TRIM68: variants seen among roughly 807,000 people sequenced by gnomAD.
TRIM68 encodes tripartite motif containing 68.
TRIM68 carries 36 observed loss-of-function variants against 41.9 expected under a neutral mutation model. That is an observed-to-expected ratio of 0.86 (90% CI 0.66 to 1.14). TRIM68 has a LOEUF of 1.14. Among genes scored for constraint, TRIM68 ranks in the 50% most tolerant of loss-of-function variants. The probability of loss-of-function intolerance (pLI) is 0.00; values close to 1 mark genes in which losing one functional copy is unlikely to be tolerated. For missense variants in TRIM68, 632 were observed against 605.1 expected, an observed-to-expected ratio of 1.04 and a Z score of -0.47; for synonymous variants, 225 against 224.6, an observed-to-expected ratio of 1.00 and a Z score of -0.02.
chr11:4,600,271 C>A lies in TRIM68; in HGVS notation c.*5G>T. 1 of 1,560,248 alleles carries A rather than the reference C, an allele frequency of 6.4e-7. No homozygotes were observed. The highest frequency in any genetic ancestry group is 8.7e-7 in the Non-Finnish European group (1 of 1,154,034). ...CAAGCCTCTCTGGTTAGGGTGGTAG[C>A]TTTCTTAGTCCTCCCCATCCAGGGA... On this transcript the variant is annotated 3_prime_UTR_variant, in exon 7 of 7. Transcript: ENST00000300747.
At chr11:4,606,862 A>G (rs1846577521) in intron 1 of TRIM68, among the ~76,000 whole-genome samples, 1 of 152,236 alleles carries the variant, frequency 6.6e-6, no homozygotes, top group Non-Finnish European at 1.5e-5. Flanking sequence ...AGGAAGCAGG[A>G]AGCAGAGCAG....
rs761497029 is a variant in TRIM68, at chr11:4,600,756, G to C, written c.978C>G (p.His326Gln). ...LIVSEDRKRVHYGDTNQKLPD... is the reference protein window; with the variant it reads ...LIVSEDRKRVQYGDTNQKLPD... ...GCAGTTTCTGGTTGGTGTCTCCATAGTGCACACGTTTTCTGTCCTCAGACA... is the reference window on the plus strand; with the variant it reads ...GCAGTTTCTGGTTGGTGTCTCCATACTGCACACGTTTTCTGTCCTCAGACA... Residue 326 changes from histidine (H) to glutamine (Q), a missense_variant, in exon 7 of 7, where the codon CAC becomes CAG. Physicochemically the swap from His to Gln is conservative, Grantham distance 24 (BLOSUM62 0). Transcript: ENST00000300747. 1.9e-6 allele frequency: 3 copies of C among 1,614,042 alleles called. No individual in the cohort carries two copies. The highest frequency in any genetic ancestry group is 2.5e-6 in the Non-Finnish European group (3 of 1,180,040).
intron 1 of TRIM68, 76 bp from the exon 2 acceptor site, chr11:4,605,637 A>C: frequency 2.1e-6 from 2 of 933,548 alleles, no homozygotes; most frequent in Non-Finnish European, 3.1e-6. Flanking sequence ...AGGAATAATT[A>C]ATTTCTGGGG....
intron 2 of TRIM68, among the ~76,000 whole-genome samples, chr11:4,603,934 G>C (rs529522836): frequency 2.0e-5 from 3 of 152,082 alleles, no homozygotes; most frequent in African/African-American, 7.2e-5. Context: ...CAACTATTTT[G>C]TTAAAATATA....
In TRIM68 at chr11:4,605,500, T is replaced by C. The variant is rs1454570639; in HGVS notation, c.5A>G (p.Asp2Gly). ...AATGGCTTCCACCAAGGCTGTGGGA[T>C]CCATGGTTCCTTCTCACACCCTCCT... The part of the protein sequence containing the change: M[D>G]PTALVEAIVE... The change falls in exon 2 of 7, where the codon GAT becomes GGT. Residue 2 changes from aspartate (D) to glycine (G), a missense_variant. Transcript: ENST00000300747. 14 of 1,602,388 alleles carry C rather than the reference T, an allele frequency of 8.7e-6. No homozygotes were observed. In the East Asian group the frequency reaches 2.2e-4, roughly 26 times the overall value.
chr11:4,603,400 G>A, intron 2 of TRIM68, 60 bp from the exon 3 acceptor site: 6 of 1,515,482 alleles, frequency 4.0e-6, no homozygotes, highest in African/African-American at 1.4e-5. Flanking sequence ...CTAGCACTGG[G>A]AGGCTATGGG....
intron 3 of TRIM68, 52 bp from the exon 4 acceptor site, chr11:4,602,464 G>A (rs769652912): frequency 1.8e-5 from 29 of 1,598,820 alleles, no homozygotes; most frequent in East Asian, 6.7e-5. Flanking sequence ...ACCCAGTATC[G>A]AGCATACTGA....
Position 4,602,153 on chromosome 11 carries a change from T to A in TRIM68, c.782A>T (p.Gln261Leu). The A allele has an allele frequency of 6.2e-7, 1 of 1,614,192 alleles. No homozygotes were observed. The highest frequency in any genetic ancestry group is 8.5e-7 in the Non-Finnish European group (1 of 1,180,026). The part of the protein sequence containing the change: ...RSQRPVRWML[Q>L]DIQEVLNRSK... ...TTACCAGGAAAACCTACTACTCACC[T>A]GCAACATCCAGCGGACAGGCCTCTG... is the stretch of plus-strand genomic sequence containing the variant. The change falls in exon 4 of 7, where the codon CAG becomes CTG. Residue 261 changes from glutamine (Q) to leucine (L), a missense_variant and splice_region_variant. By Grantham distance (113) the Gln-to-Leu change is moderately radical (BLOSUM62 -2). Transcript: ENST00000300747.
intron 5 of TRIM68, 29 bp downstream of exon 5, chr11:4,601,635 G>T: frequency 1.2e-6 from 2 of 1,613,758 alleles, no homozygotes; most frequent in East Asian, 4.5e-5. Context: ...CTACAGGGCT[G>T]CTTAGAGGCT....
chr11:4,601,351 G>A, intron 5 of TRIM68: 1 of 596,618 alleles, frequency 1.7e-6, no homozygotes, highest in Non-Finnish European at 3.0e-6. Context: ...TTTGATTCTG[G>A]GAGAGGAAGA....
chr11:4,600,875 A>G lies in TRIM68; in HGVS notation c.908-49T>C, dbSNP rs762288739. On this transcript the variant is annotated intron_variant, in intron 6 of 6. Coordinates refer to ENST00000300747, the MANE Select transcript of TRIM68 (RefSeq NM_018073.8). ...TAACAGTGATATAGGGCCAGGGGAC[A>G]TGGGTGAGAGCCCTCTGATAAATTC... 1.3e-5 allele frequency: 21 copies of G among 1,586,676 alleles called. No homozygotes were observed. In the East Asian group the frequency reaches 4.5e-4, roughly 34 times the overall value.
intron 2 of TRIM68, among the ~76,000 whole-genome samples, chr11:4,604,268 G>C (rs1463262634): frequency 1.3e-5 from 2 of 152,216 alleles, no homozygotes; most frequent in African/African-American, 4.8e-5. Flanking sequence ...CTCCAAAAAA[G>C]AGAGTTGAGA....
At chr11:4,600,925 G>A in intron 6 of TRIM68, 99 bp from the exon 7 acceptor site, 6 of 1,569,456 alleles carry the variant, frequency 3.8e-6, no homozygotes, top group Non-Finnish European at 5.2e-6. Flanking sequence ...CAATGATGAA[G>A]GGGTGAGGCT....
At chr11:4,601,254 T>C (rs1846485704) in intron 5 of TRIM68, 127 bp from the exon 6 acceptor site, 2 of 746,074 alleles carry the variant, frequency 2.7e-6, no homozygotes, top group Non-Finnish European at 4.7e-6. Flanking sequence ...ACATGATGGT[T>C]ACGGTTATTT....
chr11:4,602,645 T>C (rs1319510800), intron 3 of TRIM68, among the ~76,000 whole-genome samples: 3 of 152,240 alleles, frequency 2.0e-5, no homozygotes, highest in Admixed American at 6.5e-5. Flanking sequence ...GATATTATCT[T>C]AATACTACAT....
intron 3 of TRIM68, 122 bp from the exon 4 acceptor site, chr11:4,602,534 A>C (rs1475989949): frequency 7.7e-7 from 1 of 1,302,664 alleles, no homozygotes; most frequent in Non-Finnish European, 1.0e-6. Flanking sequence ...ATGCAGGGGC[A>C]AAGATAAAGG....
At chr11:4,601,984 A>T in intron 4 of TRIM68, 168 bp downstream of exon 4, 3 of 1,043,330 alleles carry the variant, frequency 2.9e-6, no homozygotes, top group Middle Eastern at 3.1e-4. Context: ...CAGGTCATCC[A>T]CCAGCCAGGG....
chr11:4,603,365 G>C, intron 2 of TRIM68, 25 bp from the exon 3 acceptor site: 1 of 1,609,408 alleles, frequency 6.2e-7, no homozygotes, highest in East Asian at 2.2e-5. Flanking sequence ...ACCCTCATGA[G>C]GCCACCTCCG....
chr11:4,604,063 A>G (rs1033623212), intron 2 of TRIM68, among the ~76,000 whole-genome samples: 2 of 152,346 alleles, frequency 1.3e-5, no homozygotes, highest in African/African-American at 4.8e-5. Flanking sequence ...GACCTACCCA[A>G]AGTCATTCAG....
Sources: gnomAD v4.1 joint callset for allele counts (sites outside exome capture counted in the v4.1 genomes callset) on GRCh38, gnomAD v4.1.1 for gene constraint, MANE v1.5 for transcripts, NCBI Gene and HGNC (gene_info 2026-07-23, HGNC 2026-07-21) for gene names.